The following LPIN1 variants were observed in gnomAD, a reference collection of about 807,000 sequenced individuals.
LPIN1 encodes phosphatidate phosphatase LPIN1.
Under a neutral mutation model 107.5 loss-of-function variants are expected in LPIN1, and 71 were observed. The ratio of observed to expected loss-of-function variants is 0.66; its 90% confidence interval spans 0.55 to 0.80. The LOEUF is 0.80. LPIN1 is among the 30% of genes least tolerant of loss of function. The pLI is 0.00. For missense variants in LPIN1, 1,043 were observed against 1,160.6 expected, an observed-to-expected ratio of 0.90 and a Z score of 1.47; for synonymous variants, 445 against 452.6, an observed-to-expected ratio of 0.98 and a Z score of 0.21.
At chr2:11,684,349 T>TA (rs397774595) in intron 1 of LPIN1, among the ~76,000 whole-genome samples, 14 of 151,810 alleles carry the variant, frequency 9.2e-5, no homozygotes, top group East Asian at 7.7e-4. Flanking sequence ...AATTTTTTTT[T>TA]AAAGTTTTTG....
chr2:11,812,136 C>A (rs1679774985), intron 17 of LPIN1, among the ~76,000 whole-genome samples: 1 of 152,166 alleles, frequency 6.6e-6, no homozygotes, highest in African/African-American at 2.4e-5. Flanking sequence ...ATTTTCGAAA[C>A]AAATCCATTG....
At chr2:11,792,167 G>A (rs574523180) in intron 13 of LPIN1, 161 bp downstream of exon 13, 27 of 639,534 alleles carry the variant, frequency 4.2e-5, no homozygotes, top group Admixed American at 8.7e-5. Flanking sequence ...CTCGTGGAAC[G>A]TGGGGAAGGT....
At chr2:11,698,231 C>T (rs1340845678) in intron 1 of LPIN1, among the ~76,000 whole-genome samples, 2 of 152,322 alleles carry the variant, frequency 1.3e-5, no homozygotes, top group South Asian at 2.1e-4. Context: ...CCAGATGAGC[C>T]GCACGTGGCC....
upstream of LPIN1, among the ~76,000 whole-genome samples, chr2:11,744,978 G>C (rs1666747766): frequency 6.6e-6 from 1 of 152,226 alleles, no homozygotes; most frequent in Non-Finnish European, 1.5e-5. Context: ...GTCCACACTT[G>C]ACCAGATGGA....
At chr2:11,805,466 G>T in intron 17 of LPIN1, 1 of 491,858 alleles carries the variant, frequency 2.0e-6, no homozygotes. Context: ...GGATGGCAGA[G>T]GTAGCCAGTT....
At chr2:11,756,597 A>G (rs1037754834) in intron 1 of LPIN1, among the ~76,000 whole-genome samples, 15 of 152,076 alleles carry the variant, frequency 9.9e-5, no homozygotes, top group South Asian at 2.1e-4. Flanking sequence ...GAGCCTGACC[A>G]TGTTGGCCAG....
At chr2:11,792,961 C>T (rs1676046307) in intron 13 of LPIN1, among the ~76,000 whole-genome samples, 1 of 152,146 alleles carries the variant, frequency 6.6e-6, no homozygotes, top group Non-Finnish European at 1.5e-5. Flanking sequence ...CATGTTAGGC[C>T]ACCTTTTCTC....
Position 11,703,107 on chromosome 2 carries a change from T to C in LPIN1, c.82-10649T>C, listed in dbSNP as rs144034002. On this transcript the variant is annotated intron_variant, in intron 1 of 21. Transcript: ENST00000449576. ...AAATGCTTCATTCTACATTCCCTGT[T>C]AGAGACTGACAATGTAGTGATGTAA... is the stretch of plus-strand genomic sequence containing the variant. Among the ~76,000 whole-genome samples, 339 of 152,332 alleles carry C rather than the reference T, an allele frequency of 2.2e-3. 1 individual carries two copies. Among genetic ancestry groups the C allele is most frequent in the Non-Finnish European group, 3.6e-3 (245 of 68,026 alleles).
intron 1 of LPIN1, among the ~76,000 whole-genome samples, chr2:11,729,839 T>C (rs1665015251): frequency 6.6e-6 from 1 of 152,084 alleles, no homozygotes; most frequent in South Asian, 2.1e-4. Context: ...AAATTCATTT[T>C]AATTTTATTT....
rs188380718 is a variant in LPIN1, at chr2:11,801,007, T to G, written c.1887-1900T>G. Among the ~76,000 whole-genome samples the G allele has an allele frequency of 4.1e-3, 618 of 152,346 alleles. 6 individuals carry two copies. Among genetic ancestry groups the G allele is most frequent in the African/African-American group, 0.014 (594 of 41,572 alleles). ...CTGTTGAGTGTGATATAGTCCCATT[T>G]GCTCAACATCACTAATCAGGAAAGT... On this transcript the variant is annotated intron_variant, in intron 14 of 20. Coordinates refer to ENST00000674199, the MANE Select transcript of LPIN1 (RefSeq NM_001349206.2).
At chr2:11,768,504 T>G (rs968207072) in intron 3 of LPIN1, among the ~76,000 whole-genome samples, 1 of 152,150 alleles carries the variant, frequency 6.6e-6, no homozygotes, top group African/African-American at 2.4e-5. Flanking sequence ...TCTGGTCTTT[T>G]GTGCCTGTTT....
chr2:11,763,119 CAG>C (rs1197882096), intron 1 of LPIN1: 3 of 152,258 alleles, frequency 2.0e-5, no homozygotes, highest in Non-Finnish European at 1.5e-5. Context: ...GAGTATAAGT[CAG>C]AGCTGGAAAA....
At chr2:11,812,564 T>C (rs779518000) in intron 17 of LPIN1, among the ~76,000 whole-genome samples, 3 of 152,112 alleles carry the variant, frequency 2.0e-5, no homozygotes, top group Non-Finnish European at 2.9e-5. Flanking sequence ...AGGAACGGCA[T>C]GGGCAAGTGC....
chr2:11,728,871 A>T (rs1299469975), intron 1 of LPIN1, among the ~76,000 whole-genome samples: 1 of 152,144 alleles, frequency 6.6e-6, no homozygotes, highest in East Asian at 1.9e-4. Context: ...TAAAATATGT[A>T]TAAGTTCCTT....
In LPIN1 at chr2:11,724,765, A is replaced by G. The variant is rs561493892; in HGVS notation, c.-72+226A>G. 5.8e-4 allele frequency: 208 copies of G among 361,176 alleles called. 3 individuals are homozygous for G. The Middle Eastern group carries it at 0.018, about 31-fold the overall frequency. The allele number at this position is 361,176 out of a possible 1,614,324, so 22.4% of individuals were successfully genotyped here. ...CTTGCTGAAGGGGGCAGTGACTGGA[A>G]TTTGGGGAGACTGGAGCTGTGCAAC... On this transcript the variant is annotated intron_variant, in intron 1 of 21. Transcript: ENST00000396097.
At chr2:11,778,462 T>C (rs1673028254) in intron 6 of LPIN1, among the ~76,000 whole-genome samples, 1 of 152,214 alleles carries the variant, frequency 6.6e-6, no homozygotes, top group Non-Finnish European at 1.5e-5. Context: ...GTTTGTTGGA[T>C]ACAAGTTATG....
At position 11,774,090 on chromosome 2, in the gene LPIN1, C is replaced by T. The variant is rs560613455; in HGVS notation, c.722+345C>T. On this transcript the variant is annotated intron_variant, in intron 5 of 20. Transcript: ENST00000674199. The surrounding 1 kb of genome is among the most constrained non-coding windows in gnomAD (Gnocchi z 4.4). ...GCCCTAAGTAAAATTCAAAAACAGA[C>T]GTTGCTTCAGGAGCTGCTGAGGTCG... is the stretch of plus-strand genomic sequence containing the variant. Among the ~76,000 whole-genome samples, 3 of 152,332 alleles carry T rather than the reference C, an allele frequency of 2.0e-5. No homozygotes were observed. Among genetic ancestry groups the T allele is most frequent in the East Asian group, 1.9e-4 (1 of 5,194 alleles).
At chr2:11,752,589 GC>G (rs1308070202) in intron 1 of LPIN1, among the ~76,000 whole-genome samples, 48 of 150,322 alleles carry the variant, frequency 3.2e-4, no homozygotes, top group African/African-American at 1.2e-3. Flanking sequence ...CCGCCACTAC[GC>G]CCGGCTAATT....
Position 11,824,569 on chromosome 2 carries a change from G to C in LPIN1, c.2622-63G>C, listed in dbSNP as rs1021361517. 8 of 1,567,266 alleles carry C rather than the reference G, an allele frequency of 5.1e-6. No individual in the cohort carries two copies. The Admixed American group carries it at 6.7e-5, about 13-fold the overall frequency. ...GTTGTAGATCTCTCTTGACTTCTACGTGCAGCCCTGGGTGCATAGCTGGTA... is the reference window on the plus strand; with the variant it reads ...GTTGTAGATCTCTCTTGACTTCTACCTGCAGCCCTGGGTGCATAGCTGGTA... On this transcript the variant is annotated intron_variant, in intron 20 of 20. Transcript: ENST00000674199.
Sources: gnomAD v4.1 joint callset for allele counts (sites outside exome capture counted in the v4.1 genomes callset) on GRCh38, gnomAD v4.1.1 for gene constraint, Gnocchi (gnomAD v3.1) non-coding constraint, MANE v1.5 for transcripts, NCBI Gene and HGNC (gene_info 2026-07-23, HGNC 2026-07-21) for gene names.